The following C2CD3 variants were observed in gnomAD, a reference collection of about 807,000 sequenced individuals.
The protein encoded by C2CD3 is C2 domain containing 3 centriole elongation regulator.
C2CD3 carries 148 observed loss-of-function variants against 234.0 expected under a neutral mutation model. The observed-to-expected ratio is 0.63, with a 90% CI of 0.55 to 0.72. The LOEUF (loss-of-function observed/expected upper bound fraction) is 0.72, where lower values mean the gene tolerates loss of function less well. Among genes scored for constraint, C2CD3 ranks in the 30% least tolerant of loss-of-function variants. C2CD3 has a pLI of 0.00. For synonymous variants in C2CD3, 1,000 were observed against 1,035.4 expected, an observed-to-expected ratio of 0.97 and a Z score of 0.66; for missense variants, 2,577 against 2,811.5, an observed-to-expected ratio of 0.92 and a Z score of 1.89.
At chr11:74,023,089 G>T (rs1952153218) in intron 32 of C2CD3, among the ~76,000 whole-genome samples, 1 of 152,266 alleles carries the variant, frequency 6.6e-6, no homozygotes, top group Non-Finnish European at 1.5e-5. Flanking sequence ...TGGGAGGAGG[G>T]AGGGGAAATC....
chr11:74,138,442 T>G (rs1957939563), intron 5 of C2CD3, among the ~76,000 whole-genome samples: 2 of 152,226 alleles, frequency 1.3e-5, no homozygotes. Context: ...GGACTAATCC[T>G]TTTCTATGAT....
rs755079614 is a variant in C2CD3 at position 74,054,693 on chromosome 11, GTAAAC to G, written c.5091-27_5091-23del. The G allele has an allele frequency of 2.6e-5, 40 of 1,558,186 alleles. No individual in the cohort carries two copies. The East Asian group carries it at 8.8e-4, about 34-fold the overall frequency. On this transcript the variant is annotated intron_variant, in intron 25 of 32. Coordinates refer to ENST00000334126, the MANE Select transcript of C2CD3 (RefSeq NM_001286577.2). ...TAGCCTATTAAGAAAAACAACCACT[GTAAAC>G]TAAATGTATAGGAACTTTCTGTAGT...
intron 4 of C2CD3, 56 bp from the exon 5 acceptor site, chr11:74,139,023 C>T (rs1274415065): frequency 1.4e-6 from 2 of 1,455,408 alleles, no homozygotes; most frequent in Non-Finnish European, 1.9e-6. Context: ...TGGTAACATT[C>T]TATTTTGTCA....
chr11:74,049,648 G>T, intron 26 of C2CD3, 106 bp from the exon 27 acceptor site: 1 of 821,368 alleles, frequency 1.2e-6, no homozygotes, highest in Non-Finnish European at 1.9e-6. Context: ...GGAATTTAGT[G>T]ATCCCAAAGC....
intron 26 of C2CD3, among the ~76,000 whole-genome samples, chr11:74,053,546 A>C (rs1390431210): frequency 6.6e-6 from 1 of 152,236 alleles, no homozygotes; most frequent in Non-Finnish European, 1.5e-5. Context: ...AAAGACCATA[A>C]TATCAGCACA....
chr11:74,070,937 A>G (rs1435735963), intron 24 of C2CD3: 1 of 152,178 alleles, frequency 6.6e-6, no homozygotes, highest in Non-Finnish European at 1.5e-5. Context: ...AGAGTAGGCT[A>G]AAGTGACACC....
intron 3 of C2CD3, among the ~76,000 whole-genome samples, chr11:74,152,077 A>T (rs1855702045): frequency 1.3e-5 from 2 of 152,202 alleles, no homozygotes; most frequent in African/African-American, 2.4e-5. Context: ...AAAAATGTCA[A>T]GCAGTCTAAG....
At chr11:74,082,936 A>G (rs1474880278) in intron 22 of C2CD3, among the ~76,000 whole-genome samples, 1 of 152,202 alleles carries the variant, frequency 6.6e-6, no homozygotes, top group African/African-American at 2.4e-5. Context: ...AATTGGAAAA[A>G]ACTACTTTAA....
At chr11:74,035,912 G>A (rs1189355388) in intron 30 of C2CD3, among the ~76,000 whole-genome samples, 1 of 151,988 alleles carries the variant, frequency 6.6e-6, no homozygotes, top group Non-Finnish European at 1.5e-5. Flanking sequence ...CCAGGCCGGG[G>A]TGCAGTGGAA....
In C2CD3 at chr11:74,078,485, G is replaced by C. The variant is rs747334235; in HGVS notation, c.4233C>G (p.Thr1411=). ...AATGGATGGGCAGCCACAGCCTTGG[G>C]GTGGAGATGGTGACAGTGGCTGGCT... ...EGEPATVTIS[T]PRLWLPIHCV... is the part of the protein sequence containing the mutation. The change falls in exon 23 of 33, where the codon ACC becomes ACG. Residue 1411 remains threonine, a synonymous_variant. Transcript: ENST00000334126. 2 of 1,614,178 alleles carry C rather than the reference G, an allele frequency of 1.2e-6. No homozygotes were observed.
intron 7 of C2CD3, among the ~76,000 whole-genome samples, chr11:74,132,439 C>A (rs1203573940): frequency 6.6e-6 from 1 of 152,238 alleles, no homozygotes. Context: ...TTAATCCTTA[C>A]AACAATTTTG....
intron 24 of C2CD3, among the ~76,000 whole-genome samples, chr11:74,066,602 G>A (rs950544226): frequency 1.3e-5 from 2 of 151,658 alleles, no homozygotes; most frequent in Non-Finnish European, 1.5e-5. Flanking sequence ...AGTAGCTACA[G>A]CTTTGCTTTG....
In C2CD3 at chr11:74,118,212, A is replaced by C; in HGVS notation, c.1520+16T>G. ...CCTTTGTGTTTACCTTTAAATAAAC[A>C]GTCAGAGCAGCTCACCTATTTCTCT... On this transcript the variant is annotated intron_variant, in intron 9 of 32. Coordinates refer to ENST00000334126, the MANE Select transcript of C2CD3 (RefSeq NM_001286577.2). 2 of 1,604,560 alleles carry C rather than the reference A, an allele frequency of 1.2e-6. No homozygotes were observed. Among genetic ancestry groups the C allele is most frequent in the Non-Finnish European group, 1.7e-6 (2 of 1,175,138 alleles).
intron 24 of C2CD3, among the ~76,000 whole-genome samples, chr11:74,061,974 C>G (rs2135445845): frequency 6.6e-6 from 1 of 152,106 alleles, no homozygotes; most frequent in Non-Finnish European, 1.5e-5. Context: ...GGTTGCAATC[C>G]TAGTCTCTGA....
At chr11:74,051,549 C>T (rs989732883) in intron 26 of C2CD3, among the ~76,000 whole-genome samples, 2 of 152,118 alleles carry the variant, frequency 1.3e-5, no homozygotes, top group Admixed American at 6.5e-5. Context: ...GACAACCCAC[C>T]ATTCTCCCTT....
At chr11:74,168,287 A>G (rs1856933859) in intron 2 of C2CD3, 57 bp downstream of exon 2, 4 of 1,414,878 alleles carry the variant, frequency 2.8e-6, no homozygotes, top group Non-Finnish European at 3.0e-6. Flanking sequence ...ATTGCTGACA[A>G]TATAACCACA....
At chr11:74,097,959 T>C (rs1273928262) in intron 16 of C2CD3, 50 bp downstream of exon 16, 12 of 1,571,242 alleles carry the variant, frequency 7.6e-6, no homozygotes, top group Non-Finnish European at 1.0e-5. Flanking sequence ...CACTAAAATA[T>C]GCAAGAGAAA....
intron 24 of C2CD3, among the ~76,000 whole-genome samples, chr11:74,058,124 C>G (rs796067035): frequency 2.8e-4 from 43 of 152,280 alleles, no homozygotes; most frequent in African/African-American, 1.0e-3. Context: ...AAAGACAGGA[C>G]AGAACTACAA....
At chr11:74,017,107 A>G (rs1449045660) in intron 32 of C2CD3, among the ~76,000 whole-genome samples, 1 of 152,190 alleles carries the variant, frequency 6.6e-6, no homozygotes, top group Non-Finnish European at 1.5e-5. Flanking sequence ...AGCTGCAGGT[A>G]TGGAGAACAG....
Sources: allele counts gnomAD v4.1 joint callset (sites outside exome capture counted in the v4.1 genomes callset), GRCh38; gene constraint gnomAD v4.1.1; transcripts MANE v1.5; gene names NCBI Gene and HGNC (gene_info 2026-07-23, HGNC 2026-07-21).